Variants in ADD2 observed in about 807,000 individuals in gnomAD.
ADD2 encodes the protein beta-adducin.
In ADD2, 23 loss-of-function variants were observed where a neutral mutation model predicts 83.0. The ratio of observed to expected loss-of-function variants is 0.28; its 90% CI spans 0.20 to 0.39. ADD2 has a LOEUF of 0.39. Among genes scored for constraint, ADD2 ranks in the 10% least tolerant of loss-of-function variants. The probability of loss-of-function intolerance (pLI) is 1.00; values close to 1 mark genes in which losing one functional copy is unlikely to be tolerated. For synonymous variants in ADD2, 375 were observed against 375.4 expected (o/e 1.00, Z 0.01); for missense variants, 758 against 944.9 (o/e 0.80, Z 2.59).
At chr2:70,754,688 C>G (rs1674683024) in intron 1 of ADD2, among the ~76,000 whole-genome samples, 1 of 152,134 alleles carries the variant, frequency 6.6e-6, no homozygotes, top group South Asian at 2.1e-4. Context: ...ATCTTCGTGG[C>G]CTCCAATGCC....
intron 13 of ADD2, chr2:70,675,884 T>G: frequency 1.0e-6 from 1 of 985,416 alleles, no homozygotes; most frequent in South Asian, 4.7e-5. Context: ...CTCATTGTAA[T>G]GAACTCTCAC....
At chr2:70,680,437 T>C (rs1670400632) in intron 10 of ADD2, among the ~76,000 whole-genome samples, 1 of 152,236 alleles carries the variant, frequency 6.6e-6, no homozygotes, top group South Asian at 2.1e-4. Flanking sequence ...TTTATCACAC[T>C]TTGTCATGAG....
At chr2:70,694,159 C>T (rs1351947011) in intron 6 of ADD2, among the ~76,000 whole-genome samples, 1 of 152,204 alleles carries the variant, frequency 6.6e-6, no homozygotes, top group Admixed American at 6.5e-5. Flanking sequence ...AAACCTGTAT[C>T]TCTAGCCTGC....
chr2:70,753,122 G>T (rs1674594404), intron 1 of ADD2, among the ~76,000 whole-genome samples: 1 of 152,206 alleles, frequency 6.6e-6, no homozygotes, highest in Non-Finnish European at 1.5e-5. Flanking sequence ...GAACTGCACA[G>T]AAGAAAAGGA....
chr2:70,686,938 C>T (rs140007001), intron 9 of ADD2, among the ~76,000 whole-genome samples: 3 of 152,334 alleles, frequency 2.0e-5, no homozygotes, highest in African/African-American at 7.2e-5. Flanking sequence ...TCTCAATCTC[C>T]CCAGAGTGCC....
At chr2:70,733,688 T>C (rs1468600792) in intron 1 of ADD2, among the ~76,000 whole-genome samples, 1 of 152,146 alleles carries the variant, frequency 6.6e-6, no homozygotes, top group Non-Finnish European at 1.5e-5. Flanking sequence ...TATGGTAAAA[T>C]GTATCAAGGA....
chr2:70,682,353 T>C (rs1435021296), intron 10 of ADD2, among the ~76,000 whole-genome samples: 1 of 152,224 alleles, frequency 6.6e-6, no homozygotes, highest in Non-Finnish European at 1.5e-5. Flanking sequence ...GTGCTTTCTT[T>C]AGGCATAGAT....
chr2:70,722,500 G>A (rs1237184071), intron 1 of ADD2, among the ~76,000 whole-genome samples: 1 of 152,198 alleles, frequency 6.6e-6, no homozygotes, highest in African/African-American at 2.4e-5. Flanking sequence ...CATCTACTGG[G>A]TCAGGGAGCT....
rs56006250 is a variant in ADD2, at chr2:70,659,145, T to TAAAAA, written c.*4275_*4279dup. ...GGGCAACAAAGAGCAAAGCTCCGTC[T>TAAAAA]AAAAAAAAAAAAAAAAAAAAAAAAA... On this transcript the variant is annotated 3_prime_UTR_variant, in exon 16 of 16. Transcript: ENST00000264436. 7 of 74,690 alleles carry TAAAAA rather than the reference T, an allele frequency of 9.4e-5. No individual in the cohort carries two copies. Among genetic ancestry groups the TAAAAA allele is most frequent in the African/African-American group, 2.0e-4 (4 of 20,308 alleles). 4.6% of individuals were successfully genotyped at this position (74,690 alleles called of 1,614,324 possible).
intron 9 of ADD2, among the ~76,000 whole-genome samples, 170 bp from the exon 10 acceptor site, chr2:70,683,937 C>T (rs1553370099): frequency 6.6e-6 from 1 of 152,158 alleles, no homozygotes; most frequent in Non-Finnish European, 1.5e-5. Context: ...AAGAAAAGAG[C>T]TATTAGTTTA....
intron 4 of ADD2, 53 bp downstream of exon 4, chr2:70,704,263 TCCCCA>T: frequency 2.2e-5 from 20 of 913,072 alleles, no homozygotes; most frequent in Non-Finnish European, 3.2e-5. Context: ...CTCCCTCTCT[TCCCCA>T]CCCCACCCTC....
intron 9 of ADD2, among the ~76,000 whole-genome samples, chr2:70,684,687 G>C (rs970792485): frequency 1.3e-5 from 2 of 152,208 alleles, no homozygotes; most frequent in African/African-American, 4.8e-5. Flanking sequence ...GTCAGTCAAG[G>C]AAGCCCAGAG....
chr2:70,680,795 AC>A, intron 10 of ADD2, among the ~76,000 whole-genome samples: 1 of 152,350 alleles, frequency 6.6e-6, no homozygotes, highest in South Asian at 2.1e-4. Context: ...TAGTTAAGAT[AC>A]AAAAACTACT....
rs1290189684 is a variant in ADD2, at chr2:70,768,126, G to A, written c.-394C>T. On this transcript the variant is annotated 5_prime_UTR_variant, in exon 1 of 16. Coordinates refer to ENST00000264436, the MANE Select transcript of ADD2 (RefSeq NM_001617.4). Reference sequence around the variant, plus strand: ...GCCGCAGTTCCTTGACAAAAGGCTCGGGTTCCCGCTAGTCCCTCACAGCCC... The same window carrying A: ...GCCGCAGTTCCTTGACAAAAGGCTCAGGTTCCCGCTAGTCCCTCACAGCCC... 2 of 692,584 alleles carry A rather than the reference G, an allele frequency of 2.9e-6. No homozygotes were observed. Among genetic ancestry groups the A allele is most frequent in the Admixed American group, 5.8e-5 (2 of 34,342 alleles). The allele number at this position is 692,584 out of a possible 1,614,324, so 42.9% of individuals were successfully genotyped here. A position where few individuals can be genotyped will look rare whatever the true frequency, so the allele number is the denominator to read the frequency against.
At chr2:70,691,049 G>GGA in intron 7 of ADD2, 120 bp from the exon 8 acceptor site, 19 of 1,273,558 alleles carry the variant, frequency 1.5e-5, no homozygotes, top group Non-Finnish European at 2.0e-5. Context: ...TGAGGGGTGA[G>GGA]GTTGGGGAGC....
At chr2:70,685,635 C>T (rs1553370398) in intron 9 of ADD2, among the ~76,000 whole-genome samples, 1 of 152,200 alleles carries the variant, frequency 6.6e-6, no homozygotes, top group East Asian at 1.9e-4. Flanking sequence ...CAGAACCTAC[C>T]TTGTGAGAAG....
intron 2 of ADD2, among the ~76,000 whole-genome samples, chr2:70,709,100 C>T (rs1204974595): frequency 6.6e-6 from 1 of 152,146 alleles, no homozygotes; most frequent in Non-Finnish European, 1.5e-5. Flanking sequence ...TTTTAACAGG[C>T]AGTGGGAGTG....
intron 1 of ADD2, among the ~76,000 whole-genome samples, chr2:70,714,657 G>C (rs782180424): frequency 1.3e-5 from 2 of 152,184 alleles, no homozygotes; most frequent in Non-Finnish European, 2.9e-5. Context: ...GCTAGAACAG[G>C]GTCCTAGCCA....
At chr2:70,704,263 T>TCCCCCCCCCCCCCCCCCCCACC in intron 4 of ADD2, 58 bp downstream of exon 4, 1 of 913,238 alleles carries the variant, frequency 1.1e-6, no homozygotes, top group Non-Finnish European at 1.7e-6. Flanking sequence ...CTCCCTCTCT[T>TCCCCCCCCCCCCCCCCCCCACC]CCCCACCCCA....
Sources: gnomAD v4.1 joint callset for allele counts (sites outside exome capture counted in the v4.1 genomes callset) on GRCh38, gnomAD v4.1.1 for gene constraint, MANE v1.5 for transcripts, NCBI Gene and HGNC (gene_info 2026-07-23, HGNC 2026-07-21) for gene names.